Variants in TOP1MT observed in about 807,000 individuals in gnomAD.
TOP1MT encodes DNA topoisomerase I mitochondrial.
A neutral mutation model predicts 73.9 loss-of-function variants in TOP1MT; 80 were observed. The observed-to-expected ratio is 1.08, with a 90% CI of 0.90 to 1.30. The LOEUF (loss-of-function observed/expected upper bound fraction) is 1.30. TOP1MT is among the 50% of genes most tolerant of loss of function. The pLI is 0.00. For missense variants in TOP1MT, 815 were observed against 808.0 expected, an observed-to-expected ratio of 1.01 and a Z score of -0.10; for synonymous variants, 338 against 326.4, an observed-to-expected ratio of 1.04 and a Z score of -0.38.
At chr8:143,337,404 CA>C (rs141842455), upstream of TOP1MT, among the ~76,000 whole-genome samples, 5 of 150,494 alleles carry the variant, frequency 3.3e-5, no homozygotes, top group Admixed American at 6.6e-5. Flanking sequence ...GACTCCGTCT[CA>C]AAAAAAAAGA....
intron 10 of TOP1MT, among the ~76,000 whole-genome samples, chr8:143,316,771 C>T (rs1160064042): frequency 1.3e-5 from 2 of 152,232 alleles, no homozygotes; most frequent in East Asian, 3.8e-4. Flanking sequence ...CTGGAGCGGC[C>T]ACTCCTTCAC....
At chr8:143,322,567 A>ACACAACACACACATG (rs1816488089) in intron 7 of TOP1MT, among the ~76,000 whole-genome samples, 1 of 108,498 alleles carries the variant, frequency 9.2e-6, no homozygotes, top group Non-Finnish European at 1.8e-5. Context: ...CCACACACAG[A>ACACAACACACACATG]CACGCCACAC....
At chr8:143,359,283 C>T, upstream of TOP1MT, 1 of 985,142 alleles carries the variant, frequency 1.0e-6, no homozygotes, top group Non-Finnish European at 1.2e-6. Context: ...TACAAGGTGG[C>T]TGCCAGCAAA....
In TOP1MT at chr8:143,310,236, G is replaced by GA. The variant is rs1815974216; in HGVS notation, c.1554-20_1554-19insT. 1.3e-6 allele frequency: 2 copies of GA among 1,499,688 alleles called. No homozygotes were observed. Among genetic ancestry groups the GA allele is most frequent in the African/African-American group, 2.8e-5 (2 of 71,408 alleles). 92.9% of individuals were successfully genotyped at this position (1,499,688 alleles called of 1,614,324 possible). A position where few individuals can be genotyped will look rare whatever the true frequency, so the allele number is the denominator to read the frequency against. ...CAGGACACTGGCAAGAGAAGAGGAG[G>GA]CCGCGAGGCCCCGCGCTGGACTAGC... On this transcript the variant is annotated intron_variant, in intron 12 of 13. Transcript: ENST00000329245.
chr8:143,327,181 C>T (rs115028687), intron 3 of TOP1MT: 2,685 of 152,380 alleles, frequency 0.018, 82 homozygotes, highest in African/African-American at 0.062. Context: ...CGATGATCTA[C>T]CCGTGTGGAG....
chr8:143,333,184 C>T (rs1239799967), intron 1 of TOP1MT, among the ~76,000 whole-genome samples: 11 of 152,154 alleles, frequency 7.2e-5, no homozygotes, highest in African/African-American at 2.4e-4. Context: ...CGGTGACTCA[C>T]GCCTGTAATA....
At chr8:143,348,883 T>A (rs1817274839), upstream of TOP1MT, among the ~76,000 whole-genome samples, 1 of 152,116 alleles carries the variant, frequency 6.6e-6, no homozygotes, top group East Asian at 1.9e-4. This position sits in a 1 kb window ranked among gnomAD's most constrained non-coding sequence, Gnocchi z 4.6. Flanking sequence ...GTACCCCGAC[T>A]CAGCACACCC....
intron 3 of TOP1MT, chr8:143,328,169 A>G: frequency 2.3e-6 from 1 of 442,524 alleles, no homozygotes; most frequent in Non-Finnish European, 4.5e-6. Context: ...TAATGGACTT[A>G]AAACAGGACA....
chr8:143,340,662 C>T (rs1010795120), intron 2 of TOP1MT, among the ~76,000 whole-genome samples: 10 of 152,220 alleles, frequency 6.6e-5, no homozygotes, highest in South Asian at 4.1e-4. Context: ...TGTGGTGCCC[C>T]GTCCAGCTCA....
chr8:143,359,316 G>A, upstream of TOP1MT: 1 of 985,382 alleles, frequency 1.0e-6, no homozygotes, highest in South Asian at 4.7e-5. Context: ...AAGGGAGGCA[G>A]GTCACCACGC....
chr8:143,310,212 A>C lies in TOP1MT; in HGVS notation c.1559T>G (p.Leu520Arg). Reference protein sequence around the residue: ...AQGDGKSRSVLEKKRRLLEKL... With the variant: ...AQGDGKSRSVREKKRRLLEKL... ...CTCCAGGAGCCGCCTCTTCTTCTCCAGGACACTGGCAAGAGAAGAGGAGGC... is the reference window on the plus strand; with the variant it reads ...CTCCAGGAGCCGCCTCTTCTTCTCCCGGACACTGGCAAGAGAAGAGGAGGC... Residue 520 changes from leucine to arginine, a missense_variant, in exon 13 of 14, where the codon CTG becomes CGG. Leu to Arg is a moderately radical substitution (Grantham distance 102). Coordinates refer to ENST00000329245, the MANE Select transcript of TOP1MT (RefSeq NM_052963.3). The C allele has an allele frequency of 1.3e-6, 2 of 1,562,838 alleles. No homozygotes were observed. Among genetic ancestry groups the C allele is most frequent in the Non-Finnish European group, 1.7e-6 (2 of 1,155,638 alleles).
rs552553078 is a variant in TOP1MT, at chr8:143,312,289, C to G, written c.1554-2072G>C. Among the ~76,000 whole-genome samples the G allele has an allele frequency of 2.0e-5, 3 of 152,268 alleles. No individual in the cohort carries two copies. In the East Asian group the frequency reaches 5.8e-4, roughly 29 times the overall value. On this transcript the variant is annotated intron_variant, in intron 12 of 13. Transcript: ENST00000329245. ...ACATCATAAGAAAACTATAGACTAA[C>G]ATGCTCATGAATACAGATGCAAAAA...
At chr8:143,328,554 C>T (rs74356698) in intron 3 of TOP1MT, among the ~76,000 whole-genome samples, 26,121 of 152,282 alleles carry the variant, frequency 0.17, 2,825 homozygotes, top group South Asian at 0.32. Context: ...GACAGTTCAG[C>T]CTGGTGTTGC....
chr8:143,345,016 A>C (rs1817195930), upstream of TOP1MT: 1 of 152,226 alleles, frequency 6.6e-6, no homozygotes, highest in Non-Finnish European at 1.5e-5. Flanking sequence ...GGAAACGTTA[A>C]AGTTTTAAGC....
chr8:143,309,757 G>T (rs1156623580), intron 13 of TOP1MT: 1 of 1,533,718 alleles, frequency 6.5e-7, no homozygotes, highest in Non-Finnish European at 8.7e-7. Context: ...CTGTGGCCTA[G>T]GTGTCCACCG....
At chr8:143,333,053 T>G (rs978580083) in intron 1 of TOP1MT, among the ~76,000 whole-genome samples, 1 of 152,204 alleles carries the variant, frequency 6.6e-6, no homozygotes, top group Non-Finnish European at 1.5e-5. Flanking sequence ...CACCACTAAG[T>G]GCCCTGAAGG....
At chr8:143,336,700 T>G (rs2130378831), upstream of TOP1MT, among the ~76,000 whole-genome samples, 1 of 152,268 alleles carries the variant, frequency 6.6e-6, no homozygotes, top group East Asian at 1.9e-4. Context: ...CCACAAAAAT[T>G]GGCCGAGCAC....
intron 2 of TOP1MT, among the ~76,000 whole-genome samples, chr8:143,342,206 TATTA>T (rs1817108733): frequency 7.3e-6 from 1 of 136,362 alleles, no homozygotes; most frequent in Non-Finnish European, 1.5e-5. Flanking sequence ...TTATTATTAT[TATTA>T]GAGACAGAGT....
chr8:143,324,369 G>A, intron 6 of TOP1MT, 116 bp downstream of exon 6: 2 of 1,503,400 alleles, frequency 1.3e-6, no homozygotes, highest in Admixed American at 2.0e-5. Flanking sequence ...GCACGGGCTG[G>A]CCGACTCCCA....
Sources: allele counts gnomAD v4.1 joint callset (sites outside exome capture counted in the v4.1 genomes callset), GRCh38; gene constraint gnomAD v4.1.1; non-coding constraint Gnocchi (gnomAD v3.1); transcripts MANE v1.5; gene names NCBI Gene and HGNC (gene_info 2026-07-23, HGNC 2026-07-21).